Variants in SPAG16 observed in about 807,000 individuals in gnomAD.
SPAG16 encodes the protein sperm associated antigen 16.
In SPAG16, 86 loss-of-function variants were observed where a neutral mutation model predicts 80.4. The ratio of observed to expected loss-of-function variants is 1.07; its 90% CI spans 0.90 to 1.28. The LOEUF is 1.28. Among genes scored for constraint, SPAG16 ranks in the 50% most tolerant of loss-of-function variants. The probability of loss-of-function intolerance (pLI) is 0.00; values close to 1 mark genes in which losing one functional copy is unlikely to be tolerated. For synonymous variants in SPAG16, 294 were observed against 265.9 expected (o/e 1.11, Z -1.03); for missense variants, 870 against 765.3 (o/e 1.14, Z -1.61).
At position 213,646,842 on chromosome 2, in the gene SPAG16, C is replaced by G. The variant is rs113018759; in HGVS notation, c.1070+156752C>G. 3.2e-3 allele frequency among the ~76,000 whole-genome samples: 492 copies of G among 152,246 alleles called. 3 individuals carry two copies. Among genetic ancestry groups the G allele is most frequent in the African/African-American group, 0.011 (440 of 41,554 alleles). On this transcript the variant is annotated intron_variant, in intron 10 of 15. Transcript: ENST00000331683. ...CTTCACAATAGCACATCTGTAGAAT[C>G]AAATCAAATGCTTCCACATTAGTCA...
intron 15 of SPAG16, among the ~76,000 whole-genome samples, chr2:214,354,181 T>A (rs952258254): frequency 6.6e-6 from 1 of 152,000 alleles, no homozygotes; most frequent in African/African-American, 2.4e-5. Context: ...TTGTATAAGG[T>A]GTAAGGAAGG....
At chr2:213,676,551 T>C (rs2064087244) in intron 10 of SPAG16, among the ~76,000 whole-genome samples, 1 of 152,140 alleles carries the variant, frequency 6.6e-6, no homozygotes. Flanking sequence ...TTTTGAGATA[T>C]GTCCCATTAA....
intron 9 of SPAG16, among the ~76,000 whole-genome samples, chr2:213,397,292 A>G (rs2068089626): frequency 6.6e-6 from 1 of 152,138 alleles, no homozygotes; most frequent in Non-Finnish European, 1.5e-5. Flanking sequence ...ATCACATCTT[A>G]CAGTACCTTT....
chr2:213,633,138 A>G (rs2062220651), intron 10 of SPAG16, among the ~76,000 whole-genome samples: 1 of 152,114 alleles, frequency 6.6e-6, no homozygotes, highest in Non-Finnish European at 1.5e-5. Flanking sequence ...TATGGCTTCA[A>G]TCTTGTTACT....
intron 11 of SPAG16, among the ~76,000 whole-genome samples, chr2:213,904,420 A>G (rs2077349789): frequency 6.6e-6 from 1 of 152,078 alleles, no homozygotes; most frequent in Admixed American, 6.6e-5. Context: ...TGAGACCATC[A>G]GATATCAAGA....
intron 14 of SPAG16, among the ~76,000 whole-genome samples, chr2:214,141,779 A>AT (rs1194498479): frequency 6.6e-6 from 1 of 152,118 alleles, no homozygotes; most frequent in Non-Finnish European, 1.5e-5. Context: ...TAAATAGGTA[A>AT]TCTGTCATTT....
At chr2:214,330,433 G>C (rs1206859502) in intron 15 of SPAG16, among the ~76,000 whole-genome samples, 2 of 152,140 alleles carry the variant, frequency 1.3e-5, no homozygotes, top group African/African-American at 4.8e-5. Context: ...TTTTACTTCA[G>C]GTTCCCCAAG....
At chr2:213,491,003 A>G (rs2074212665) in intron 10 of SPAG16, among the ~76,000 whole-genome samples, 1 of 152,062 alleles carries the variant, frequency 6.6e-6, no homozygotes, top group African/African-American at 2.4e-5. Flanking sequence ...ACCATATGGC[A>G]TGTGCAATCT....
chr2:214,041,963 T>A (rs2049033317), intron 13 of SPAG16, among the ~76,000 whole-genome samples: 1 of 67,246 alleles, frequency 1.5e-5, no homozygotes, highest in African/African-American at 4.2e-5. Context: ...TGTATATATT[T>A]GTGTGTCTGT....
chr2:213,727,998 G>A (rs888451924), intron 10 of SPAG16, among the ~76,000 whole-genome samples: 1 of 151,882 alleles, frequency 6.6e-6, no homozygotes, highest in Non-Finnish European at 1.5e-5. Flanking sequence ...ACAGGCACCC[G>A]CCACCACTCT....
At chr2:213,685,932 G>A (rs963666097) in intron 10 of SPAG16, among the ~76,000 whole-genome samples, 4 of 152,092 alleles carry the variant, frequency 2.6e-5, no homozygotes, top group South Asian at 2.1e-4. Context: ...ACTGGTTTTC[G>A]TTAACAGATT....
intron 12 of SPAG16, among the ~76,000 whole-genome samples, chr2:213,934,347 TG>T (rs2078899322): frequency 6.6e-6 from 1 of 152,188 alleles, no homozygotes; most frequent in Non-Finnish European, 1.5e-5. Context: ...GCAGAAAACT[TG>T]TATTTTGTTT....
chr2:213,869,280 T>A (rs1270750844), intron 11 of SPAG16, among the ~76,000 whole-genome samples: 3 of 112,478 alleles, frequency 2.7e-5, no homozygotes, highest in Admixed American at 1.0e-4. Flanking sequence ...TATATATATA[T>A]GTATATATAT....
intron 11 of SPAG16, among the ~76,000 whole-genome samples, chr2:213,895,934 A>T (rs561093932): frequency 1.1e-4 from 16 of 152,242 alleles, no homozygotes; most frequent in Admixed American, 5.9e-4. Context: ...AAATAAAAAA[A>T]AATGAAAAGA....
chr2:214,087,220 T>C (rs2051828543), intron 13 of SPAG16, among the ~76,000 whole-genome samples: 1 of 152,170 alleles, frequency 6.6e-6, no homozygotes, highest in African/African-American at 2.4e-5. Flanking sequence ...TGCAGATTTT[T>C]TTGCTATCTT....
intron 8 of SPAG16, among the ~76,000 whole-genome samples, chr2:213,368,667 C>T (rs1010859435): frequency 6.6e-6 from 1 of 152,192 alleles, no homozygotes; most frequent in African/African-American, 2.4e-5. Context: ...TAGAAAACCC[C>T]ATCATCTCAG....
intron 10 of SPAG16, among the ~76,000 whole-genome samples, chr2:213,721,330 C>T (rs1171362934): frequency 1.3e-5 from 2 of 151,310 alleles, no homozygotes; most frequent in Non-Finnish European, 2.9e-5. Context: ...AACTCCTGAC[C>T]TCAAGTGATC....
At chr2:213,771,837 GT>G (rs1338091293) in intron 10 of SPAG16, among the ~76,000 whole-genome samples, 4 of 152,086 alleles carry the variant, frequency 2.6e-5, no homozygotes, top group African/African-American at 9.7e-5. Flanking sequence ...GTACCATGCT[GT>G]TTGGTTACTG....
At chr2:213,886,598 A>G (rs2076564394) in intron 11 of SPAG16, among the ~76,000 whole-genome samples, 1 of 152,124 alleles carries the variant, frequency 6.6e-6, no homozygotes, top group African/African-American at 2.4e-5. Context: ...TGCAGTGACG[A>G]AAGGATTGGT....
Sources: gnomAD v4.1 joint callset for allele counts (sites outside exome capture counted in the v4.1 genomes callset) on GRCh38, gnomAD v4.1.1 for gene constraint, MANE v1.5 for transcripts, NCBI Gene and HGNC (gene_info 2026-07-23, HGNC 2026-07-21) for gene names.